The following SYT15B variants were observed in gnomAD, a reference collection of about 807,000 sequenced individuals.
SYT15B encodes the protein synaptotagmin-15.
At chr10:47,755,206 C>G in the SYT15B span, among the ~76,000 whole-genome samples, 2 of 151,560 alleles carry the variant, frequency 1.3e-5, no homozygotes, top group Non-Finnish European at 2.9e-5. Flanking sequence ...CCACCCCTCT[C>G]GGTCTCCCAA....
At chr10:47,750,080 A>C in the SYT15B span, among the ~76,000 whole-genome samples, 1 of 151,796 alleles carries the variant, frequency 6.6e-6, no homozygotes, top group South Asian at 2.1e-4. Context: ...AGGAGAAATA[A>C]ACAAATTCAT....
At chr10:47,755,330 A>C in the SYT15B span, among the ~76,000 whole-genome samples, 1 of 151,648 alleles carries the variant, frequency 6.6e-6, no homozygotes, top group African/African-American at 2.4e-5. Flanking sequence ...ATCTCGGCTC[A>C]CTGCAAGCTC....
the SYT15B span, among the ~76,000 whole-genome samples, chr10:47,745,919 G>GACA: frequency 1.9e-4 from 29 of 151,152 alleles, no homozygotes; most frequent in African/African-American, 6.8e-4. Flanking sequence ...GAGAGACACA[G>GACA]ATATGCATCT....
At chr10:47,748,003 A>C in the SYT15B span, among the ~76,000 whole-genome samples, 1 of 152,188 alleles carries the variant, frequency 6.6e-6, no homozygotes, top group Non-Finnish European at 1.5e-5. Flanking sequence ...AAGAGTATGG[A>C]AAATACAGCA....
chr10:47,762,328 C>A, the SYT15B span, among the ~76,000 whole-genome samples: 15,515 of 144,740 alleles, frequency 0.11, 7 homozygotes, highest in African/African-American at 0.16. Flanking sequence ...GGGTTCCAAC[C>A]GCTGGCCACC....
At chr10:47,751,274 GT>G in the SYT15B span, 3 of 131,462 alleles carry the variant, frequency 2.3e-5, no homozygotes, top group African/African-American at 8.5e-5. Context: ...AGCTCTAGTA[GT>G]TTTTTTGTGT....
At chr10:47,748,476 G>C in the SYT15B span, among the ~76,000 whole-genome samples, 33 of 152,072 alleles carry the variant, frequency 2.2e-4, no homozygotes, top group East Asian at 1.6e-3. Flanking sequence ...GCCTCCCAAA[G>C]TGCTGGGATT....
At chr10:47,755,107 C>G in the SYT15B span, among the ~76,000 whole-genome samples, 2 of 150,662 alleles carry the variant, frequency 1.3e-5, no homozygotes, top group African/African-American at 2.5e-5. Flanking sequence ...CAGGCGTGCA[C>G]CACCACGCCT....
At chr10:47,755,476 C>T in the SYT15B span, among the ~76,000 whole-genome samples, 51 of 150,462 alleles carry the variant, frequency 3.4e-4, no homozygotes, top group African/African-American at 1.1e-3. Flanking sequence ...AGGATGGTCT[C>T]GATCTCCTGA....
the SYT15B span, among the ~76,000 whole-genome samples, chr10:47,748,165 A>C: frequency 4.6e-5 from 7 of 151,660 alleles, no homozygotes; most frequent in African/African-American, 1.5e-4. Context: ...ATCCCCAAGC[A>C]GGATAAATAA....
the SYT15B span, among the ~76,000 whole-genome samples, chr10:47,748,135 A>G: frequency 1.3e-5 from 2 of 152,026 alleles, no homozygotes; most frequent in African/African-American, 4.8e-5. Context: ...AGAACTTTCC[A>G]AAACTGATAA....
chr10:47,755,097 C>T, the SYT15B span, among the ~76,000 whole-genome samples: 2 of 150,346 alleles, frequency 1.3e-5, no homozygotes, highest in East Asian at 2.0e-4. Context: ...GTTGGGCCTA[C>T]AGGCGTGCAC....
At chr10:47,750,745 AAAT>A in the SYT15B span, 1 of 148,008 alleles carries the variant, frequency 6.8e-6, no homozygotes, top group Non-Finnish European at 1.5e-5. Flanking sequence ...ACTTAAATCT[AAAT>A]TTTATTTTAT....
chr10:47,762,437 AC>A, the SYT15B span, among the ~76,000 whole-genome samples: 2 of 120,788 alleles, frequency 1.7e-5, no homozygotes, highest in Admixed American at 8.4e-5. Context: ...AGAAGGCCGG[AC>A]CCCCCACACC....
the SYT15B span, chr10:47,751,462 C>A: frequency 8.4e-5 from 4 of 47,522 alleles, no homozygotes; most frequent in African/African-American, 2.4e-4. Flanking sequence ...ATAAAACTGT[C>A]ATTCACAGAG....
At chr10:47,745,674 C>T in the SYT15B span, among the ~76,000 whole-genome samples, 1 of 136,050 alleles carries the variant, frequency 7.4e-6, no homozygotes, top group Non-Finnish European at 1.6e-5. Context: ...TCCTTGGTGA[C>T]TGGATGGGCA....
chr10:47,763,343 C>A, the SYT15B span: 1 of 985,140 alleles, frequency 1.0e-6, no homozygotes, highest in Non-Finnish European at 1.2e-6. Context: ...GCTCCTCACT[C>A]GCCAGCCCTG....
the SYT15B span, among the ~76,000 whole-genome samples, chr10:47,747,390 TTAA>T: frequency 2.1e-5 from 3 of 143,066 alleles, no homozygotes; most frequent in Non-Finnish European, 4.6e-5. Flanking sequence ...CAGTGTCATA[TTAA>T]TGAGATAAAA....
At chr10:47,746,363 GC>G in the SYT15B span, among the ~76,000 whole-genome samples, 2 of 61,718 alleles carry the variant, frequency 3.2e-5, 1 homozygote, top group Non-Finnish European at 7.6e-5. Flanking sequence ...GGTGGCACAT[GC>G]CTGTAATCCC....
Sources: gnomAD v4.1 joint callset for allele counts (sites outside exome capture counted in the v4.1 genomes callset) on GRCh38, gnomAD v4.1.1 for gene constraint, MANE v1.5 for transcripts, NCBI Gene and HGNC (gene_info 2026-07-23, HGNC 2026-07-21) for gene names.